The following CCSER1 variants were observed in gnomAD, a reference collection of about 807,000 sequenced individuals.
The protein encoded by CCSER1 is coiled-coil serine rich protein 1, also known as serine-rich coiled-coil domain-containing protein 1.
CCSER1 carries 41 observed loss-of-function variants against 82.0 expected under a neutral mutation model. That is an observed-to-expected ratio of 0.50 (90% CI 0.39 to 0.65). The LOEUF (loss-of-function observed/expected upper bound fraction) is 0.65, where lower values mean the gene tolerates loss of function less well. Ranked by LOEUF, CCSER1 falls within the 30% of genes least tolerant of loss-of-function variation. The probability of loss-of-function intolerance (pLI) is 0.00; values close to 1 mark genes in which losing one functional copy is unlikely to be tolerated. For synonymous variants in CCSER1, 414 were observed against 383.9 expected, an observed-to-expected ratio of 1.08 and a Z score of -0.92; for missense variants, 1,119 against 1,064.2, an observed-to-expected ratio of 1.05 and a Z score of -0.72.
rs545012671 is a variant in CCSER1 at position 91,392,690 on chromosome 4, C to A, written c.2218-205882C>A. 2.2e-4 allele frequency among the ~76,000 whole-genome samples: 34 copies of A among 152,090 alleles called. No individual in the cohort carries two copies. The East Asian group carries it at 5.0e-3, about 22-fold the overall frequency. On this transcript the variant is annotated intron_variant, in intron 10 of 10. Transcript: ENST00000509176. ...ACATTTTTTGAATAGTAGTTAAAAT[C>A]TGGAAATGTTGAAATGATGCATTTA... is the stretch of plus-strand genomic sequence containing the variant.
chr4:91,230,219 T>G (rs1166737650), intron 10 of CCSER1, among the ~76,000 whole-genome samples: 1 of 152,082 alleles, frequency 6.6e-6, no homozygotes, highest in African/African-American at 2.4e-5. Context: ...TTGAATCCAT[T>G]TAACTGTAGA....
intron 10 of CCSER1, among the ~76,000 whole-genome samples, chr4:91,288,075 T>C (rs116155478): frequency 9.5e-4 from 140 of 147,718 alleles, no homozygotes; most frequent in African/African-American, 3.2e-3. Flanking sequence ...TATATATATA[T>C]ACACTCATAT....
At chr4:90,474,197 A>T (rs1764767915) in intron 5 of CCSER1, among the ~76,000 whole-genome samples, 1 of 151,958 alleles carries the variant, frequency 6.6e-6, no homozygotes, top group Non-Finnish European at 1.5e-5. Context: ...TGTGTATCTC[A>T]TTATAAGGGC....
chr4:91,239,026 A>G lies in CCSER1; in HGVS notation c.2217+153032A>G, dbSNP rs368539891. On this transcript the variant is annotated intron_variant, in intron 10 of 10. Coordinates refer to ENST00000509176, the MANE Select transcript of CCSER1 (RefSeq NM_001145065.2). ...TTTTTAGTAGAGACAGGTTTTCACC[A>G]CTTTAGCCAGGATGGTCTCGATCTT... 6.6e-5 allele frequency among the ~76,000 whole-genome samples: 10 copies of G among 151,912 alleles called. No individual in the cohort carries two copies. The East Asian group carries it at 9.7e-4, about 15-fold the overall frequency.
At chr4:90,385,738 AG>A (rs1561140932) in intron 3 of CCSER1, among the ~76,000 whole-genome samples, 1 of 152,044 alleles carries the variant, frequency 6.6e-6, no homozygotes, top group Non-Finnish European at 1.5e-5. Context: ...CCTGATGGTT[AG>A]TGATGTTAAG....
chr4:91,229,135 C>G (rs572643237), intron 10 of CCSER1, among the ~76,000 whole-genome samples: 3 of 151,762 alleles, frequency 2.0e-5, no homozygotes, highest in South Asian at 2.1e-4. Context: ...TTGTGATGAA[C>G]GAGGAAAGGT....
intron 9 of CCSER1, among the ~76,000 whole-genome samples, chr4:91,048,663 C>T (rs1158487129): frequency 6.6e-6 from 1 of 152,086 alleles, no homozygotes; most frequent in Non-Finnish European, 1.5e-5. Flanking sequence ...ATACACACTC[C>T]TTCACTCATG....
chr4:90,523,845 GTAA>G (rs1773426652), intron 5 of CCSER1, among the ~76,000 whole-genome samples: 1 of 152,094 alleles, frequency 6.6e-6, no homozygotes, highest in Non-Finnish European at 1.5e-5. Flanking sequence ...TAAAATGCCA[GTAA>G]TAATAATTAT....
At chr4:90,171,932 T>C (rs1731777092) in intron 1 of CCSER1, among the ~76,000 whole-genome samples, 1 of 151,954 alleles carries the variant, frequency 6.6e-6, no homozygotes, top group African/African-American at 2.4e-5. Context: ...GAGGAAGGGC[T>C]GTGTTCCTGT....
At chr4:91,397,577 A>G (rs1395944055) in intron 10 of CCSER1, among the ~76,000 whole-genome samples, 2 of 152,154 alleles carry the variant, frequency 1.3e-5, no homozygotes, top group African/African-American at 2.4e-5. Context: ...CTGTCAAGCC[A>G]TAAGTTTTTA....
intron 7 of CCSER1, among the ~76,000 whole-genome samples, chr4:90,763,466 C>T (rs1750717714): frequency 6.6e-6 from 1 of 152,088 alleles, no homozygotes; most frequent in Non-Finnish European, 1.5e-5. Context: ...AGTACTCATC[C>T]TTTAGTGATG....
chr4:91,469,968 T>C (rs2149442814), intron 10 of CCSER1, among the ~76,000 whole-genome samples: 1 of 152,278 alleles, frequency 6.6e-6, no homozygotes, highest in East Asian at 1.9e-4. Context: ...TGAAACTCAT[T>C]CCTACACATT....
rs1457882384 is a variant in CCSER1, at chr4:91,278,094, C to G, written c.2217+192100C>G. Among the ~76,000 whole-genome samples, 5 of 151,950 alleles carry G rather than the reference C, an allele frequency of 3.3e-5. No individual in the cohort carries two copies. In the East Asian group the frequency reaches 9.6e-4, roughly 29 times the overall value. ...AATTTGTTGGGGCTTGTTTTGTGTC[C>G]TAACATATGGCCTGGAGAATGTTCC... is the stretch of plus-strand genomic sequence containing the variant. On this transcript the variant is annotated intron_variant, in intron 10 of 10. Transcript: ENST00000509176.
chr4:90,414,488 A>G (rs1433302128), intron 4 of CCSER1, among the ~76,000 whole-genome samples: 1 of 152,142 alleles, frequency 6.6e-6, no homozygotes, highest in African/African-American at 2.4e-5. Context: ...TTTATAAAGC[A>G]TATATGATCA....
chr4:91,238,359 C>T (rs926164331), intron 10 of CCSER1, among the ~76,000 whole-genome samples: 1 of 151,432 alleles, frequency 6.6e-6, no homozygotes, highest in African/African-American at 2.4e-5. Flanking sequence ...TCAGTCATGT[C>T]GCTGCAAAAA....
intron 5 of CCSER1, among the ~76,000 whole-genome samples, chr4:90,611,125 C>T: frequency 7.5e-6 from 1 of 134,122 alleles, no homozygotes; most frequent in Non-Finnish European, 1.5e-5. Flanking sequence ...TCTCGAACTC[C>T]TGACCTCAGG....
intron 10 of CCSER1, among the ~76,000 whole-genome samples, chr4:91,452,819 A>G (rs1184244578): frequency 2.6e-5 from 4 of 151,990 alleles, no homozygotes; most frequent in Non-Finnish European, 5.9e-5. Context: ...CATTCCTAAT[A>G]AGATTTTTTT....
chr4:90,593,149 AT>A (rs1305905766), intron 5 of CCSER1, among the ~76,000 whole-genome samples: 5 of 152,114 alleles, frequency 3.3e-5, no homozygotes, highest in Non-Finnish European at 5.9e-5. Context: ...GGATTTATTC[AT>A]TTTTTTAATC....
chr4:90,248,926 C>G (rs72877738), intron 1 of CCSER1, among the ~76,000 whole-genome samples: 6,790 of 152,028 alleles, frequency 0.045, 392 homozygotes, highest in African/African-American at 0.13. Flanking sequence ...TCTCAAACTC[C>G]TAATCTCAGA....
Sources: allele counts gnomAD v4.1 joint callset (sites outside exome capture counted in the v4.1 genomes callset), GRCh38; gene constraint gnomAD v4.1.1; transcripts MANE v1.5; gene names NCBI Gene and HGNC (gene_info 2026-07-23, HGNC 2026-07-21).